The following RUFY3 variants were observed in gnomAD, a reference collection of about 807,000 sequenced individuals.
RUFY3 encodes the protein RUN and FYVE domain containing 3.
A neutral mutation model predicts 84.0 loss-of-function variants in RUFY3; 34 were observed. The ratio of observed to expected loss-of-function variants is 0.40; its 90% confidence interval spans 0.31 to 0.54. RUFY3 has a LOEUF of 0.54. RUFY3 is among the 20% of genes least tolerant of loss of function. The pLI, the probability that RUFY3 is intolerant of heterozygous loss-of-function variation, is 0.39. For synonymous variants in RUFY3, 242 were observed against 252.9 expected (o/e 0.96, Z 0.41); for missense variants, 507 against 736.8 (o/e 0.69, Z 3.61).
intron 1 of RUFY3, among the ~76,000 whole-genome samples, chr4:70,727,719 A>G (rs1241431573): frequency 6.7e-6 from 1 of 148,644 alleles, no homozygotes; most frequent in African/African-American, 2.5e-5. Context: ...CCCAGGAGGC[A>G]GGGGTTGCGG....
chr4:70,709,605 C>G (rs1045290299), intron 1 of RUFY3, among the ~76,000 whole-genome samples: 1 of 152,186 alleles, frequency 6.6e-6, no homozygotes, highest in Non-Finnish European at 1.5e-5. Flanking sequence ...GATCTGCTTG[C>G]AGGCCATGGT....
intron 1 of RUFY3, among the ~76,000 whole-genome samples, chr4:70,734,919 T>C (rs1188135506): frequency 6.6e-6 from 1 of 152,254 alleles, no homozygotes; most frequent in African/African-American, 2.4e-5. Context: ...TACTTGAATC[T>C]TTAATTTGTG....
Position 70,712,736 on chromosome 4 carries a change from A to G in RUFY3, c.358+7442A>G, listed in dbSNP as rs542619744. On this transcript the variant is annotated intron_variant, in intron 1 of 11. Coordinates refer to the RUFY3 transcript ENST00000417478. ...TTTTTTGTTGGCAATATTTTTCAAAATTCCTTAAATAATTAAAAGAACTAA... is the reference window on the plus strand; with the variant it reads ...TTTTTTGTTGGCAATATTTTTCAAAGTTCCTTAAATAATTAAAAGAACTAA... 7.9e-5 allele frequency among the ~76,000 whole-genome samples: 12 copies of G among 152,364 alleles called. No individual in the cohort carries two copies. The East Asian group carries it at 9.6e-4, about 12-fold the overall frequency.
chr4:70,739,828 T>G (rs944386774), intron 1 of RUFY3, among the ~76,000 whole-genome samples: 1 of 98,056 alleles, frequency 1.0e-5, no homozygotes, highest in African/African-American at 3.5e-5. Context: ...ACTTAAAGTA[T>G]AAAAAAAAAA....
chr4:70,776,692 C>T (rs1413630194), intron 7 of RUFY3, among the ~76,000 whole-genome samples: 4 of 152,208 alleles, frequency 2.6e-5, no homozygotes, highest in Non-Finnish European at 4.4e-5. Flanking sequence ...AGGAGAACGG[C>T]GTGAACCCGG....
At chr4:70,756,692 G>A (rs1003409723) in intron 1 of RUFY3, among the ~76,000 whole-genome samples, 7 of 151,986 alleles carry the variant, frequency 4.6e-5, no homozygotes, top group East Asian at 1.9e-4. Flanking sequence ...AGAAACACAC[G>A]GGGCCCCTAA....
At chr4:70,789,436 T>G in intron 11 of RUFY3, 59 bp from the exon 12 acceptor site, 1 of 1,419,332 alleles carries the variant, frequency 7.0e-7, no homozygotes, top group South Asian at 1.2e-5. Flanking sequence ...AAAAGGCATG[T>G]GTGGTTGTAT....
chr4:70,727,458 C>T (rs570890927), intron 1 of RUFY3, among the ~76,000 whole-genome samples: 163 of 148,006 alleles, frequency 1.1e-3, no homozygotes, highest in Middle Eastern at 3.6e-3. Context: ...CAGGTTCAAG[C>T]GACTCTCCTG....
intron 12 of RUFY3, chr4:70,791,246 G>A (rs767048530): frequency 6.2e-7 from 1 of 1,613,328 alleles, no homozygotes; most frequent in South Asian, 1.1e-5. Context: ...TGGTGAAACA[G>A]GCAAAGACCT....
intron 1 of RUFY3, among the ~76,000 whole-genome samples, chr4:70,707,845 A>G (rs1181362590): frequency 6.6e-6 from 1 of 152,234 alleles, no homozygotes; most frequent in Non-Finnish European, 1.5e-5. Flanking sequence ...TACTTACAGA[A>G]AGGAACACTC....
chr4:70,789,467 G>A (rs1283074845), intron 11 of RUFY3, 28 bp from the exon 12 acceptor site: 1 of 1,594,022 alleles, frequency 6.3e-7, no homozygotes, highest in East Asian at 2.3e-5. Context: ...ATGTTATACA[G>A]GTTGTTTATC....
intron 3 of RUFY3, 65 bp from the exon 4 acceptor site, chr4:70,764,410 A>T: frequency 9.2e-7 from 1 of 1,091,698 alleles, no homozygotes; most frequent in South Asian, 1.3e-5. Flanking sequence ...AAGTGAACTG[A>T]TTCTACTGTA....
chr4:70,740,003 A>G (rs1306500460), intron 1 of RUFY3, among the ~76,000 whole-genome samples: 1 of 151,834 alleles, frequency 6.6e-6, no homozygotes, highest in East Asian at 1.9e-4. Context: ...AAAAAAAAAA[A>G]AAAAAAGATG....
chr4:70,769,579 C>G (rs1726602197), intron 5 of RUFY3, among the ~76,000 whole-genome samples: 1 of 152,140 alleles, frequency 6.6e-6, no homozygotes, highest in Non-Finnish European at 1.5e-5. Context: ...GTGGCAATTT[C>G]TTAAAATAAG....
chr4:70,762,240 A>G (rs986690320), intron 1 of RUFY3, among the ~76,000 whole-genome samples: 1 of 152,210 alleles, frequency 6.6e-6, no homozygotes, highest in African/African-American at 2.4e-5. Context: ...ACTTGAGCCC[A>G]GAAGGTTGAG....
chr4:70,746,195 G>A (rs1224483636), intron 1 of RUFY3, among the ~76,000 whole-genome samples: 1 of 151,968 alleles, frequency 6.6e-6, no homozygotes, highest in Non-Finnish European at 1.5e-5. Flanking sequence ...AATACAAAAA[G>A]TTAGCCAGGT....
At chr4:70,726,797 A>G (rs1718325200) in intron 1 of RUFY3, among the ~76,000 whole-genome samples, 1 of 152,238 alleles carries the variant, frequency 6.6e-6, no homozygotes, top group Non-Finnish European at 1.5e-5. Context: ...GAATCCTCAC[A>G]TGGAAAGGCG....
chr4:70,708,152 C>G (rs527835457), intron 1 of RUFY3, among the ~76,000 whole-genome samples: 1 of 152,268 alleles, frequency 6.6e-6, no homozygotes, highest in Non-Finnish European at 1.5e-5. Flanking sequence ...TACATGAACA[C>G]TTGAGACCAA....
At chr4:70,789,786 A>G (rs1196248417) in intron 12 of RUFY3, 194 bp downstream of exon 12, 10 of 1,243,378 alleles carry the variant, frequency 8.0e-6, no homozygotes, top group Admixed American at 4.1e-5. Flanking sequence ...GGAAATGTCA[A>G]TCACTTGACT....
Sources: allele counts gnomAD v4.1 joint callset (sites outside exome capture counted in the v4.1 genomes callset), GRCh38; gene constraint gnomAD v4.1.1; transcripts MANE v1.5; gene names NCBI Gene and HGNC (gene_info 2026-07-23, HGNC 2026-07-21).